SYCP2: variants seen among roughly 807,000 people sequenced by gnomAD.
SYCP2 encodes the protein synaptonemal complex lateral element protein.
In SYCP2, 55 loss-of-function variants were observed where a neutral mutation model predicts 211.3. The ratio of observed to expected loss-of-function variants is 0.26; its 90% CI spans 0.21 to 0.33. SYCP2 has a LOEUF of 0.33. SYCP2 is among the 10% of genes least tolerant of loss of function. The pLI is 1.00. For synonymous variants in SYCP2, 570 were observed against 555.2 expected, an observed-to-expected ratio of 1.03 and a Z score of -0.37; for missense variants, 1,731 against 1,752.0, an observed-to-expected ratio of 0.99 and a Z score of 0.21.
intron 3 of SYCP2, 22 bp downstream of exon 3, chr20:59,922,368 C>G: frequency 6.4e-7 from 1 of 1,559,282 alleles, no homozygotes; most frequent in South Asian, 1.2e-5. Context: ...AAAATACTTA[C>G]TTTTGGTCTA....
In SYCP2 at chr20:59,867,828, T is replaced by C; in HGVS notation, c.4008A>G (p.Ser1336=). 1.9e-6 allele frequency: 3 copies of C among 1,608,088 alleles called. No individual in the cohort carries two copies. Among genetic ancestry groups the C allele is most frequent in the Non-Finnish European group, 2.6e-6 (3 of 1,176,108 alleles). Residue 1336 remains serine (S), a synonymous_variant, in exon 39 of 45, where the codon TCA becomes TCG. Coordinates refer to ENST00000357552, the MANE Select transcript of SYCP2 (RefSeq NM_014258.4). ...HIHKMSESVS[S]LSTNDFSIPW... is the part of the protein sequence containing the mutation. ...GAATAGAAAAGTCATTTGTTGATAA[T>C]GAAGATACACTTTCAGACACTAAAA...
Position 59,900,170 on chromosome 20 carries a change from C to T in SYCP2, c.1372G>A (p.Asp458Asn), listed in dbSNP as rs763942625. The T allele has an allele frequency of 6.2e-7, 1 of 1,613,252 alleles. No individual in the cohort carries two copies. The highest frequency in any genetic ancestry group is 1.1e-5 in the South Asian group (1 of 91,052). The change falls in exon 18 of 45, where the codon GAC becomes AAC. Residue 458 changes from aspartate to asparagine, a missense_variant. Physicochemically the swap from Asp to Asn is conservative, Grantham distance 23. Coordinates refer to ENST00000357552, the MANE Select transcript of SYCP2 (RefSeq NM_014258.4). The stretch of plus-strand genomic sequence containing the variant: ...TGACTATTATTTCTATTCCCTTTGT[C>T]ACTGTTTTTGATATATTTTGAAGGT... Reference protein sequence around the residue: ...AKPSKYIKNSDKGNRNNSQLE... With the variant: ...AKPSKYIKNSNKGNRNNSQLE...
Position 59,922,403 on chromosome 20 carries a change from C to T in SYCP2, c.11G>A (p.Arg4Lys). The part of the protein sequence containing the change: MPI[R>K]PDLQQLEKCI... The stretch of plus-strand genomic sequence containing the variant: ...AGGACTACATACCTGGAGATCTGGT[C>T]TTATTGGCATTTTGACTTCATTTAA... The change falls in exon 3 of 45, where the codon AGA becomes AAA. Residue 4 changes from arginine (R) to lysine (K), a missense_variant. Arg to Lys is a conservative substitution (Grantham distance 26). Transcript: ENST00000357552. 1.3e-6 allele frequency: 2 copies of T among 1,539,406 alleles called. No homozygotes were observed. The highest frequency in any genetic ancestry group is 2.1e-5 in the Admixed American group (1 of 47,148).
intron 15 of SYCP2, among the ~76,000 whole-genome samples, chr20:59,903,295 A>G (rs1339098704): frequency 6.6e-6 from 1 of 152,136 alleles, no homozygotes; most frequent in Non-Finnish European, 1.5e-5. Flanking sequence ...ATAAAATCCA[A>G]GTATTTATGG....
intron 26 of SYCP2, among the ~76,000 whole-genome samples, chr20:59,884,654 G>A (rs188750026): frequency 1.3e-5 from 2 of 152,028 alleles, no homozygotes; most frequent in Admixed American, 1.3e-4. Flanking sequence ...ATCCTTCCCA[G>A]TATGATTTTT....
intron 26 of SYCP2, among the ~76,000 whole-genome samples, chr20:59,882,576 T>C (rs1456375375): frequency 6.6e-6 from 1 of 152,130 alleles, no homozygotes; most frequent in Non-Finnish European, 1.5e-5. Flanking sequence ...TATGTGTATA[T>C]ACAACGAAAT....
chr20:59,924,400 G>C (rs1431080174), intron 2 of SYCP2, among the ~76,000 whole-genome samples: 1 of 151,886 alleles, frequency 6.6e-6, no homozygotes, highest in African/African-American at 2.4e-5. Context: ...TTTTTCTCCA[G>C]TTGATCTGTC....
chr20:59,908,060 C>G (rs927567598), intron 14 of SYCP2, among the ~76,000 whole-genome samples: 1 of 152,094 alleles, frequency 6.6e-6, no homozygotes, highest in Non-Finnish European at 1.5e-5. Context: ...TCCTGGCTAA[C>G]ACGGTGAAAC....
chr20:59,880,965 CT>C lies in SYCP2; in HGVS notation c.2772del (p.Ile925LeufsTer2). 1 of 1,431,636 alleles carries C rather than the reference CT, an allele frequency of 7.0e-7. No homozygotes were observed. The highest frequency in any genetic ancestry group is 9.6e-7 in the Non-Finnish European group (1 of 1,042,186). 88.7% of individuals were successfully genotyped at this position (1,431,636 alleles called of 1,614,324 possible). ...LKSSVKTKDK[K>X]IITNHQKKNL... ...AGACATATTGAGATATTATAACTTA[CT>C]TTTTTATCTTTTGTTTTGACAGAAG... is the stretch of plus-strand genomic sequence containing the variant. On this transcript the variant is annotated frameshift_variant and splice_region_variant, in exon 30 of 45. Coordinates refer to ENST00000357552, the MANE Select transcript of SYCP2 (RefSeq NM_014258.4). LOFTEE classifies it high-confidence loss of function.
At chr20:59,931,577 G>A (rs1363666048) in intron 2 of SYCP2, among the ~76,000 whole-genome samples, 1 of 152,164 alleles carries the variant, frequency 6.6e-6, no homozygotes, top group Non-Finnish European at 1.5e-5. Context: ...GTTGAGGCAG[G>A]CTTGCCCATT....
chr20:59,882,312 C>G, intron 26 of SYCP2, 147 bp from the exon 27 acceptor site: 1 of 659,958 alleles, frequency 1.5e-6, no homozygotes, highest in South Asian at 1.9e-5. Context: ...CAGGCAATAA[C>G]AGATGCTAGT....
intron 11 of SYCP2, 39 bp downstream of exon 11, chr20:59,914,070 T>A: frequency 1.9e-6 from 3 of 1,577,006 alleles, no homozygotes; most frequent in Non-Finnish European, 2.6e-6. Context: ...TAATAATTTT[T>A]AAAAATTCAC....
In SYCP2 at chr20:59,874,079, A is replaced by G. The variant is rs1236176891; in HGVS notation, c.3350-18T>C. 7.1e-7 allele frequency: 1 copy of G among 1,414,694 alleles called. No homozygotes were observed. The highest frequency in any genetic ancestry group is 9.6e-7 in the Non-Finnish European group (1 of 1,041,192). 87.6% of individuals were successfully genotyped at this position (1,414,694 alleles called of 1,614,324 possible). A position where few individuals can be genotyped will look rare whatever the true frequency, so the allele number is the denominator to read the frequency against. ...CTCTATACCTATATTGCATCAAAAT[A>G]AAAAAGAAAATAGATGGCAAGCGTT... On this transcript the variant is annotated intron_variant, in intron 34 of 44. Transcript: ENST00000357552.
chr20:59,926,462 T>C (rs750948065), intron 2 of SYCP2, among the ~76,000 whole-genome samples: 8 of 152,124 alleles, frequency 5.3e-5, no homozygotes, highest in Non-Finnish European at 7.4e-5. Context: ...TTCTTCCTTT[T>C]ACTTTTCACA....
chr20:59,876,411 A>AAAAAAAAAAAAAAAAAG (rs71183188), intron 33 of SYCP2, among the ~76,000 whole-genome samples: 1 of 139,586 alleles, frequency 7.2e-6, no homozygotes, highest in Non-Finnish European at 1.6e-5. Flanking sequence ...AAAAAAAAAA[A>AAAAAAAAAAAAAAAAAG]GAAGAAGTGA....
At chr20:59,869,748 A>C in intron 36 of SYCP2, 50 bp downstream of exon 36, 2 of 1,098,682 alleles carry the variant, frequency 1.8e-6, no homozygotes, top group Non-Finnish European at 2.6e-6. Context: ...GAGTCTTATA[A>C]GAACCATCTT....
At chr20:59,915,405 G>T in intron 9 of SYCP2, 60 bp downstream of exon 9, 2 of 1,218,338 alleles carry the variant, frequency 1.6e-6, no homozygotes, top group Non-Finnish European at 2.4e-6. Flanking sequence ...ATAGTTGTCT[G>T]TCTTATAAAA....
intron 24 of SYCP2, among the ~76,000 whole-genome samples, chr20:59,891,744 A>G (rs2059910402): frequency 6.6e-6 from 1 of 151,790 alleles, no homozygotes; most frequent in Non-Finnish European, 1.5e-5. Flanking sequence ...ACCTAAAAAG[A>G]AGAGACAGGA....
At chr20:59,925,803 A>ACC in intron 2 of SYCP2, among the ~76,000 whole-genome samples, 1 of 152,164 alleles carries the variant, frequency 6.6e-6, no homozygotes, top group East Asian at 1.9e-4. Context: ...TGTAGGTACT[A>ACC]TAATTTATTA....
Sources: gnomAD v4.1 joint callset for allele counts (sites outside exome capture counted in the v4.1 genomes callset) on GRCh38, gnomAD v4.1.1 for gene constraint, MANE v1.5 for transcripts, NCBI Gene and HGNC (gene_info 2026-07-23, HGNC 2026-07-21) for gene names.